The following PTH2R variants were observed in gnomAD, a reference collection of about 807,000 sequenced individuals.
PTH2R encodes the protein parathyroid hormone 2 receptor.
A neutral mutation model predicts 60.3 loss-of-function variants in PTH2R; 59 were observed. The observed-to-expected ratio is 0.98, with a 90% CI of 0.79 to 1.22. The LOEUF (loss-of-function observed/expected upper bound fraction) is 1.22, where lower values mean the gene tolerates loss of function less well. Ranked by LOEUF, PTH2R falls within the 50% of genes most tolerant of loss-of-function variation. PTH2R has a pLI of 0.00. For missense variants in PTH2R, 749 were observed against 682.6 expected (o/e 1.10, Z -1.08); for synonymous variants, 256 against 243.8 (o/e 1.05, Z -0.47).
intron 8 of PTH2R, among the ~76,000 whole-genome samples, chr2:208,454,907 T>C (rs1411340006): frequency 6.6e-6 from 1 of 152,184 alleles, no homozygotes; most frequent in Non-Finnish European, 1.5e-5. Context: ...AATCACATAC[T>C]GTGAATACCT....
intron 1 of PTH2R, among the ~76,000 whole-genome samples, chr2:208,383,080 T>C (rs1487503342): frequency 6.6e-6 from 1 of 152,262 alleles, no homozygotes; most frequent in East Asian, 1.9e-4. Flanking sequence ...AATCCCTCAA[T>C]TTCTATACTA....
intron 1 of PTH2R, among the ~76,000 whole-genome samples, chr2:208,427,340 C>G (rs1392165911): frequency 6.6e-6 from 1 of 152,162 alleles, no homozygotes; most frequent in Non-Finnish European, 1.5e-5. Flanking sequence ...TCATGTATAT[C>G]CAGTTCATTT....
intron 1 of PTH2R, among the ~76,000 whole-genome samples, chr2:208,401,582 C>T (rs1036194219): frequency 1.3e-5 from 2 of 151,992 alleles, no homozygotes; most frequent in Non-Finnish European, 2.9e-5. Flanking sequence ...TTTTCCTCCT[C>T]AGGGTTTGCA....
intron 9 of PTH2R, among the ~76,000 whole-genome samples, chr2:208,471,571 G>A (rs1702881684): frequency 6.6e-6 from 1 of 152,262 alleles, no homozygotes; most frequent in African/African-American, 2.4e-5. Context: ...GGAAACCTCT[G>A]CCTAAATTTC....
At position 208,388,138 on chromosome 2, in the gene PTH2R, C is replaced by CCA. The variant is rs1017501087; in HGVS notation, c.-259+27902_-259+27903insAC. Among the ~76,000 whole-genome samples the CCA allele has an allele frequency of 2.7e-5, 4 of 149,556 alleles. No homozygotes were observed. In the East Asian group the frequency reaches 8.0e-4, roughly 30 times the overall value. ...TTCTGGCTAACATGGTGAAACCCCC[C>CCA]CCCCCGTCTCTACTAAAAATACAAA... On this transcript the variant is annotated intron_variant, in intron 1 of 12. Transcript: ENST00000617735.
chr2:208,472,826 C>A (rs141582626), intron 9 of PTH2R, among the ~76,000 whole-genome samples: 13 of 152,042 alleles, frequency 8.6e-5, no homozygotes, highest in Non-Finnish European at 1.6e-4. Context: ...TCTTTTTTTG[C>A]ATTAATCCTC....
rs959136821 is a variant in PTH2R, at chr2:208,443,538, G to C, written c.699+1G>C. On this transcript the variant is annotated splice_donor_variant, in intron 6 of 12. Coordinates refer to ENST00000272847, the MANE Select transcript of PTH2R (RefSeq NM_005048.4). LOFTEE classifies it high-confidence loss of function. Reference sequence around the variant, plus strand: ...AACTTCTGTGGACAAATCACAATATGTAAGTGTTTTCACCATTTTCTCTCA... The same window carrying C: ...AACTTCTGTGGACAAATCACAATATCTAAGTGTTTTCACCATTTTCTCTCA... 5 of 1,592,454 alleles carry C rather than the reference G, an allele frequency of 3.1e-6. No individual in the cohort carries two copies. The Admixed American group carries it at 7.2e-5, about 23-fold the overall frequency.
chr2:208,431,048 C>G (rs1292143284), intron 2 of PTH2R, among the ~76,000 whole-genome samples: 2 of 151,868 alleles, frequency 1.3e-5, no homozygotes, highest in African/African-American at 4.9e-5. Flanking sequence ...CCTTCTGGAA[C>G]TTTAAGAAGA....
intron 1 of PTH2R, among the ~76,000 whole-genome samples, chr2:208,366,629 T>A (rs893366896): frequency 6.6e-6 from 1 of 152,218 alleles, no homozygotes; most frequent in Admixed American, 6.5e-5. Flanking sequence ...TCCCTGCTGG[T>A]GCAGCCTGGT....
At chr2:208,390,892 C>G (rs1701097119) in intron 1 of PTH2R, among the ~76,000 whole-genome samples, 1 of 152,184 alleles carries the variant, frequency 6.6e-6, no homozygotes, top group Non-Finnish European at 1.5e-5. Context: ...TACTCAGTTA[C>G]TTATCTTTTG....
chr2:208,452,390 G>C (rs1309324957), intron 8 of PTH2R, among the ~76,000 whole-genome samples: 1 of 152,198 alleles, frequency 6.6e-6, no homozygotes, highest in African/African-American at 2.4e-5. Flanking sequence ...TCATTAATTT[G>C]TATTCACAAG....
At chr2:208,481,219 CTTTTT>C (rs34570534) in intron 10 of PTH2R, 55 bp downstream of exon 10, 2,119 of 830,812 alleles carry the variant, frequency 2.6e-3, no homozygotes, top group Admixed American at 3.8e-3. Context: ...TATTTCTTTC[CTTTTT>C]TTTTTTTTTT....
At chr2:208,379,175 C>G (rs1045876528) in intron 1 of PTH2R, among the ~76,000 whole-genome samples, 9 of 152,100 alleles carry the variant, frequency 5.9e-5, no homozygotes, top group African/African-American at 2.2e-4. Context: ...TTGGCTGGGA[C>G]TTAATAATTT....
chr2:208,396,341 C>T (rs1259883941), intron 1 of PTH2R, among the ~76,000 whole-genome samples: 2 of 152,116 alleles, frequency 1.3e-5, no homozygotes, highest in Non-Finnish European at 1.5e-5. Flanking sequence ...AGCTTCTGCA[C>T]AGTAAAAGAA....
At chr2:208,423,978 C>T (rs1701806473) in intron 1 of PTH2R, among the ~76,000 whole-genome samples, 3 of 152,132 alleles carry the variant, frequency 2.0e-5, no homozygotes, top group Admixed American at 2.0e-4. Context: ...TCACTGACAC[C>T]TATGGTGGGC....
chr2:208,481,237 G>A, intron 10 of PTH2R, 73 bp downstream of exon 10: 1 of 856,856 alleles, frequency 1.2e-6, no homozygotes, highest in Non-Finnish European at 1.7e-6. Context: ...TTTTTTTTTT[G>A]AGACAGGGTC....
intron 8 of PTH2R, among the ~76,000 whole-genome samples, chr2:208,458,137 CA>C (rs1041380741): frequency 6.6e-6 from 1 of 152,100 alleles, no homozygotes; most frequent in African/African-American, 2.4e-5. Flanking sequence ...TTTACTAGTA[CA>C]AACCAGATTG....
At chr2:208,377,849 C>T (rs1345677882) in intron 1 of PTH2R, among the ~76,000 whole-genome samples, 19 of 151,482 alleles carry the variant, frequency 1.3e-4, no homozygotes, top group South Asian at 4.2e-4. Context: ...ACTTCCTAGA[C>T]GTGATGGTGG....
intron 1 of PTH2R, among the ~76,000 whole-genome samples, chr2:208,418,724 T>C (rs562494743): frequency 6.6e-6 from 1 of 152,256 alleles, no homozygotes; most frequent in South Asian, 2.1e-4. Flanking sequence ...CAAAAATGTA[T>C]CTGTATATTT....
Sources: allele counts gnomAD v4.1 joint callset (sites outside exome capture counted in the v4.1 genomes callset), GRCh38; gene constraint gnomAD v4.1.1; transcripts MANE v1.5; gene names NCBI Gene and HGNC (gene_info 2026-07-23, HGNC 2026-07-21).